The following CMTM8 variants were observed in gnomAD, a reference collection of about 807,000 sequenced individuals.
CMTM8 encodes CKLF like MARVEL transmembrane domain containing 8, also known as CKLF-like MARVEL transmembrane domain-containing protein 8.
In CMTM8, 12 loss-of-function variants were observed where a neutral mutation model predicts 18.6. The observed-to-expected ratio is 0.65, with a 90% confidence interval of 0.41 to 1.05. The LOEUF (loss-of-function observed/expected upper bound fraction) is 1.05. Among genes scored for constraint, CMTM8 ranks in the 50% least tolerant of loss-of-function variants. CMTM8 has a pLI of 0.00. For synonymous variants in CMTM8, 87 were observed against 90.6 expected (o/e 0.96, Z 0.23); for missense variants, 217 against 227.2 (o/e 0.95, Z 0.29).
At position 32,301,208 on chromosome 3, in the gene CMTM8, G is replaced by A. The variant is rs191006858; in HGVS notation, c.148-56165G>A. 2.0e-3 allele frequency among the ~76,000 whole-genome samples: 301 copies of A among 152,170 alleles called. 2 individuals are homozygous for A. The highest frequency in any genetic ancestry group is 5.6e-3 in the African/African-American group (233 of 41,510). ...TTATCCCGGCATTCATCTTTCCACA[G>A]ATTTTTTGCCCTACTTAGGTTTCTG... On this transcript the variant is annotated intron_variant, in intron 1 of 3. Coordinates refer to ENST00000307526, the MANE Select transcript of CMTM8 (RefSeq NM_178868.5).
At chr3:32,270,037 G>C (rs768159771) in intron 1 of CMTM8, among the ~76,000 whole-genome samples, 1 of 151,760 alleles carries the variant, frequency 6.6e-6, no homozygotes, top group African/African-American at 2.4e-5. Context: ...GCCTCTCAAA[G>C]TGTTGGGATT....
At chr3:32,250,807 GGT>G (rs1702101966) in intron 1 of CMTM8, among the ~76,000 whole-genome samples, 1 of 151,962 alleles carries the variant, frequency 6.6e-6, no homozygotes, top group Non-Finnish European at 1.5e-5. Context: ...TGCCCAGGCT[GGT>G]CTCGAACCCC....
rs145836995 is a variant in CMTM8 at position 32,274,491 on chromosome 3, A to G, written c.147+35372A>G. Among the ~76,000 whole-genome samples, 224 of 152,272 alleles carry G rather than the reference A, an allele frequency of 1.5e-3. 1 individual carries two copies. Among genetic ancestry groups the G allele is most frequent in the East Asian group, 0.013 (66 of 5,188 alleles). ...ACTTTCACTGTAATTTCTGAAATGT[A>G]AATATCCTGCTTCATCCTTCCTCCT... On this transcript the variant is annotated intron_variant, in intron 1 of 3. Transcript: ENST00000307526.
intron 1 of CMTM8, among the ~76,000 whole-genome samples, chr3:32,290,465 G>A (rs532944326): frequency 5.3e-5 from 8 of 152,288 alleles, no homozygotes; most frequent in Admixed American, 3.3e-4. Flanking sequence ...TTTTGTATGA[G>A]TATGGATAAT....
intron 1 of CMTM8, among the ~76,000 whole-genome samples, chr3:32,294,370 T>A (rs55785594): frequency 1.9e-3 from 294 of 152,378 alleles, no homozygotes; most frequent in African/African-American, 6.5e-3. Flanking sequence ...TTCTTCTCTA[T>A]GAAACGTTTT....
chr3:32,332,970 C>T (rs1363979957), intron 1 of CMTM8, among the ~76,000 whole-genome samples: 1 of 152,140 alleles, frequency 6.6e-6, no homozygotes, highest in Non-Finnish European at 1.5e-5. Flanking sequence ...TCTTATAAAA[C>T]AAGAAGGTTT....
At chr3:32,314,858 C>T (rs1304076998) in intron 1 of CMTM8, among the ~76,000 whole-genome samples, 1 of 151,114 alleles carries the variant, frequency 6.6e-6, no homozygotes, top group African/African-American at 2.4e-5. Flanking sequence ...GGTTGGGTGG[C>T]GGGGGGGGTC....
rs933531268 is a variant in CMTM8 at position 32,321,879 on chromosome 3, C to T, written c.148-35494C>T. Among the ~76,000 whole-genome samples, 6 of 152,298 alleles carry T rather than the reference C, an allele frequency of 3.9e-5. No individual in the cohort carries two copies. In the East Asian group the frequency reaches 9.7e-4, roughly 25 times the overall value. ...CTCCCAAGGTGCTGGGAGTTACAGG[C>T]GTGAGCCATGGCATCTGGCACCTGA... is the stretch of plus-strand genomic sequence containing the variant. On this transcript the variant is annotated intron_variant, in intron 1 of 3. Coordinates refer to ENST00000307526, the MANE Select transcript of CMTM8 (RefSeq NM_178868.5).
At chr3:32,331,342 T>C (rs1243395866) in intron 1 of CMTM8, among the ~76,000 whole-genome samples, 1 of 152,072 alleles carries the variant, frequency 6.6e-6, no homozygotes, top group Non-Finnish European at 1.5e-5. Context: ...TGTGGTGAAA[T>C]TGGGACCTTT....
chr3:32,320,700 C>T (rs1696027683), intron 1 of CMTM8, among the ~76,000 whole-genome samples: 2 of 152,180 alleles, frequency 1.3e-5, no homozygotes, highest in Non-Finnish European at 2.9e-5. Context: ...GAGGTCTTCA[C>T]TGGCATTTAT....
chr3:32,241,530 A>G (rs1701945861), intron 1 of CMTM8, among the ~76,000 whole-genome samples: 1 of 152,208 alleles, frequency 6.6e-6, no homozygotes, highest in Admixed American at 6.5e-5. Flanking sequence ...CCTCTCCAGC[A>G]TGCTGTGCTG....
intron 1 of CMTM8, among the ~76,000 whole-genome samples, chr3:32,281,543 A>G (rs1216507635): frequency 3.3e-5 from 5 of 152,146 alleles, no homozygotes; most frequent in African/African-American, 9.7e-5. Context: ...AAACTGTAAC[A>G]TATCTTCCCT....
chr3:32,369,191 G>A (rs1372615031), intron 3 of CMTM8, among the ~76,000 whole-genome samples: 2 of 152,030 alleles, frequency 1.3e-5, no homozygotes, highest in Admixed American at 1.3e-4. Context: ...GCGGGCACCT[G>A]TAATCCCAGC....
intron 1 of CMTM8, among the ~76,000 whole-genome samples, chr3:32,295,525 G>A (rs1340824004): frequency 6.8e-6 from 1 of 148,024 alleles, no homozygotes; most frequent in Non-Finnish European, 1.5e-5. Flanking sequence ...TGTGGAGCTT[G>A]CATTCAATTA....
At chr3:32,356,782 CA>C (rs966506339) in intron 1 of CMTM8, among the ~76,000 whole-genome samples, 116 of 152,310 alleles carry the variant, frequency 7.6e-4, no homozygotes, top group African/African-American at 2.7e-3. Flanking sequence ...AAATTCCAGC[CA>C]TGGATGTTGT....
At chr3:32,323,985 C>T (rs994589048) in intron 1 of CMTM8, among the ~76,000 whole-genome samples, 5 of 152,344 alleles carry the variant, frequency 3.3e-5, no homozygotes, top group Admixed American at 6.5e-5. Flanking sequence ...TTGCCAACAA[C>T]TCTGTAAAAA....
chr3:32,361,286 G>GTTTTTTTTTTGTTTTTTTGTT (rs58364646), intron 2 of CMTM8, among the ~76,000 whole-genome samples: 69 of 87,266 alleles, frequency 7.9e-4, no homozygotes, highest in South Asian at 1.8e-3. Context: ...CAGCCTAAGA[G>GTTTTTTTTTTGTTTTTTTGTT]TTTTTTTTTC....
intron 1 of CMTM8, among the ~76,000 whole-genome samples, chr3:32,242,456 G>T (rs949749216): frequency 1.3e-5 from 2 of 152,084 alleles, no homozygotes; most frequent in African/African-American, 4.8e-5. Context: ...CAAGCCAGCT[G>T]TGACCACAGG....
chr3:32,368,800 A>G (rs1366542991), intron 3 of CMTM8, among the ~76,000 whole-genome samples: 1 of 149,578 alleles, frequency 6.7e-6, no homozygotes, highest in African/African-American at 2.5e-5. Context: ...GCATTTTTAA[A>G]CCATAAGTGT....
Sources: gnomAD v4.1 joint callset for allele counts (sites outside exome capture counted in the v4.1 genomes callset) on GRCh38, gnomAD v4.1.1 for gene constraint, MANE v1.5 for transcripts, NCBI Gene and HGNC (gene_info 2026-07-23, HGNC 2026-07-21) for gene names.